The following MYOF variants were observed in gnomAD, a reference collection of about 807,000 sequenced individuals.
MYOF encodes the protein fer-1-like 3, myoferlin.
A neutral mutation model predicts 284.2 loss-of-function variants in MYOF; 244 were observed. That is an observed-to-expected ratio of 0.86 (90% CI 0.77 to 0.95). The LOEUF (loss-of-function observed/expected upper bound fraction) is 0.95. Ranked by LOEUF, MYOF falls within the 40% of genes least tolerant of loss-of-function variation. The probability of loss-of-function intolerance (pLI) is 0.00; values close to 1 mark genes in which losing one functional copy is unlikely to be tolerated. For synonymous variants in MYOF, 904 were observed against 919.7 expected (o/e 0.98, Z 0.31); for missense variants, 2,496 against 2,560.6 (o/e 0.97, Z 0.54).
intron 5 of MYOF, among the ~76,000 whole-genome samples, chr10:93,416,164 C>A (rs2134152435): frequency 6.6e-6 from 1 of 152,326 alleles, no homozygotes; most frequent in South Asian, 2.1e-4. Context: ...TTTGATTCAG[C>A]CTATTTGAAC....
rs376497434 is a variant in MYOF at position 93,474,700 on chromosome 10, T to C, written c.88+7407A>G. On this transcript the variant is annotated intron_variant, in intron 1 of 53. Transcript: ENST00000359263. ...TGTCACATGTACATTAATTTAATCC[T>C]CAAACAGCCCTGCAAGGCAGGAGAT... Among the ~76,000 whole-genome samples, 122 of 151,972 alleles carry C rather than the reference T, an allele frequency of 8.0e-4. 1 individual carries two copies. The highest frequency in any genetic ancestry group is 2.8e-3 in the African/African-American group (115 of 41,472).
intron 3 of MYOF, among the ~76,000 whole-genome samples, chr10:93,446,108 C>A (rs1485814076): frequency 6.6e-6 from 1 of 151,862 alleles, no homozygotes; most frequent in East Asian, 1.9e-4. Flanking sequence ...TGATTCCCAG[C>A]TGAGGATGGG....
At chr10:93,469,591 C>T (rs1212557595) in intron 1 of MYOF, among the ~76,000 whole-genome samples, 2 of 152,134 alleles carry the variant, frequency 1.3e-5, no homozygotes, top group Non-Finnish European at 2.9e-5. Flanking sequence ...TGCCCCAGGC[C>T]CCAGCATGGT....
chr10:93,307,049 GT>G, intron 53 of MYOF, 48 bp from the exon 54 acceptor site: 2 of 1,517,642 alleles, frequency 1.3e-6, no homozygotes, highest in African/African-American at 2.8e-5. Context: ...ATGTATATAT[GT>G]TTTTCAGTTA....
rs188101337 is a variant in MYOF, at chr10:93,465,949, A to G, written c.89-9012T>C. Reference sequence around the variant, plus strand: ...GTGAGGCTGGGACCGCCCTGGTGGAATATTTCTTCCACGTGGCTCCATTCC... The same window carrying G: ...GTGAGGCTGGGACCGCCCTGGTGGAGTATTTCTTCCACGTGGCTCCATTCC... On this transcript the variant is annotated intron_variant, in intron 1 of 53. Transcript: ENST00000359263. Among the ~76,000 whole-genome samples the G allele has an allele frequency of 7.9e-4, 120 of 152,272 alleles. 2 individuals carry two copies. In the East Asian group the frequency reaches 0.019, roughly 24 times the overall value.
intron 3 of MYOF, among the ~76,000 whole-genome samples, chr10:93,436,388 T>C (rs1287419716): frequency 2.0e-5 from 3 of 152,226 alleles, no homozygotes; most frequent in African/African-American, 7.2e-5. Context: ...AAATCTTTAG[T>C]TCCATATCCT....
At chr10:93,313,593 A>T (rs998722680) in intron 50 of MYOF, among the ~76,000 whole-genome samples, 4 of 152,152 alleles carry the variant, frequency 2.6e-5, no homozygotes, top group African/African-American at 9.7e-5. Flanking sequence ...GGGTAAAGAC[A>T]ATAGGTGCTT....
intron 1 of MYOF, among the ~76,000 whole-genome samples, chr10:93,467,380 T>C (rs889719964): frequency 6.2e-5 from 8 of 130,048 alleles, no homozygotes; most frequent in Non-Finnish European, 1.3e-4. Flanking sequence ...TGTGTTCTCA[T>C]TGTTCAGTTC....
chr10:93,328,866 C>T lies in MYOF; in HGVS notation c.5028G>A (p.Leu1676=). 1.2e-6 allele frequency: 2 copies of T among 1,613,726 alleles called. No individual in the cohort carries two copies. The highest frequency in any genetic ancestry group is 8.5e-7 in the Non-Finnish European group (1 of 1,179,690). The part of the protein sequence containing the change: ...TWRDQLRPTQ[L]LQNVARFKGF... The stretch of plus-strand genomic sequence containing the variant: ...CTTTGAATCTGGCGACATTTTGAAG[C>T]AGCTGTGTTGGTCTCAGTTGATCTC... Residue 1676 remains leucine (L), a synonymous_variant, in exon 45 of 54, where the codon CTG becomes CTA. Coordinates refer to ENST00000359263, the MANE Select transcript of MYOF (RefSeq NM_013451.4).
intron 17 of MYOF, among the ~76,000 whole-genome samples, chr10:93,389,717 C>T (rs1189632810): frequency 3.9e-5 from 6 of 152,170 alleles, no homozygotes; most frequent in African/African-American, 1.4e-4. Flanking sequence ...TCATTGCTTT[C>T]TATCTCTGGT....
intron 41 of MYOF, among the ~76,000 whole-genome samples, chr10:93,335,671 G>A (rs1267931624): frequency 6.7e-6 from 1 of 149,000 alleles, no homozygotes; most frequent in Non-Finnish European, 1.5e-5. Flanking sequence ...AAGAGATGCG[G>A]AGATGGCTCG....
At chr10:93,312,352 T>A (rs10594000) in intron 51 of MYOF, among the ~76,000 whole-genome samples, 9 of 10,566 alleles carry the variant, frequency 8.5e-4, no homozygotes, top group African/African-American at 1.9e-3. Context: ...TTTTTTCTTT[T>A]TTATTTTTTT....
At chr10:93,341,557 G>A (rs1034818413) in intron 38 of MYOF, among the ~76,000 whole-genome samples, 7 of 152,188 alleles carry the variant, frequency 4.6e-5, no homozygotes, top group Admixed American at 3.9e-4. Context: ...GATTACAGGC[G>A]TAAGCCACTG....
chr10:93,482,171 A>G lies in MYOF; in HGVS notation c.24T>C (p.Ser8=), dbSNP rs751562746. ...ATTTCGTTTTAGGGATATTGCTGGCAGATTCCACAATCACTCGCAGCATGG... is the reference window on the plus strand; with the variant it reads ...ATTTCGTTTTAGGGATATTGCTGGCGGATTCCACAATCACTCGCAGCATGG... The part of the protein sequence containing the change: MLRVIVE[S]ASNIPKTKFG... The change falls in exon 1 of 54, where the codon TCT becomes TCC. Residue 8 remains serine (S), a synonymous_variant. Coordinates refer to ENST00000359263, the MANE Select transcript of MYOF (RefSeq NM_013451.4). 5 of 1,614,202 alleles carry G rather than the reference A, an allele frequency of 3.1e-6. No homozygotes were observed. The highest frequency in any genetic ancestry group is 3.4e-6 in the Non-Finnish European group (4 of 1,180,012).
At chr10:93,463,384 G>A (rs1365083773) in intron 1 of MYOF, among the ~76,000 whole-genome samples, 1 of 134,994 alleles carries the variant, frequency 7.4e-6, no homozygotes, top group Non-Finnish European at 1.6e-5. Flanking sequence ...GTGAGACTTC[G>A]TCTCTACAAA....
chr10:93,347,655 G>A lies in MYOF; in HGVS notation c.4211C>T (p.Pro1404Leu), dbSNP rs1047667025. ...GACGATGTCCTCTTTCCCTGCATAA[G>A]GGTCACAGCGAAAGCGGTCCAGGCG... is the stretch of plus-strand genomic sequence containing the variant. Reference protein sequence around the residue: ...IERLDRFRCDPYAGKEDIVPQ... With the variant: ...IERLDRFRCDLYAGKEDIVPQ... The change falls in exon 37 of 54, where the codon CCT becomes CTT. Residue 1404 changes from proline (P) to leucine (L), a missense_variant. This residue lies in a region of MYOF where 2,436 missense variants were observed against 2,480.7 expected (regional missense o/e 0.98). Coordinates refer to ENST00000359263, the MANE Select transcript of MYOF (RefSeq NM_013451.4). 1.9e-6 allele frequency: 3 copies of A among 1,613,852 alleles called. No individual in the cohort carries two copies. Among genetic ancestry groups the A allele is most frequent in the East Asian group, 4.5e-5 (2 of 44,868 alleles).
At chr10:93,470,250 CAAAG>C (rs56240524) in intron 1 of MYOF, among the ~76,000 whole-genome samples, 32 of 145,344 alleles carry the variant, frequency 2.2e-4, no homozygotes, top group Admixed American at 1.4e-3. Flanking sequence ...AAGAAAGAAA[CAAAG>C]AAAGAAAGAA....
intron 50 of MYOF, among the ~76,000 whole-genome samples, chr10:93,315,235 C>T (rs563156781): frequency 6.6e-6 from 1 of 152,280 alleles, no homozygotes; most frequent in Admixed American, 6.5e-5. Context: ...TGGGTGTTTC[C>T]TCTGCCAGGA....
chr10:93,478,797 C>G (rs939733618), intron 1 of MYOF, among the ~76,000 whole-genome samples: 8 of 56,812 alleles, frequency 1.4e-4, no homozygotes, highest in Non-Finnish European at 2.8e-4. Flanking sequence ...TGCACTCTTC[C>G]CTCCTGGATG....
Sources: gnomAD v4.1 joint callset for allele counts (sites outside exome capture counted in the v4.1 genomes callset) on GRCh38, gnomAD v4.1.1 for gene constraint, gnomAD v4.1.1 regional missense constraint, MANE v1.5 for transcripts, NCBI Gene and HGNC (gene_info 2026-07-23, HGNC 2026-07-21) for gene names.